The following GABRB2 variants were observed in gnomAD, a reference collection of about 807,000 sequenced individuals.
The protein encoded by GABRB2 is gamma-aminobutyric acid receptor subunit beta-2.
A neutral mutation model predicts 54.7 loss-of-function variants in GABRB2; 16 were observed. That is an observed-to-expected ratio of 0.29 (90% CI 0.20 to 0.44). The LOEUF is 0.44. GABRB2 is among the 20% of genes least tolerant of loss of function. The pLI, the probability that GABRB2 is intolerant of heterozygous loss-of-function variation, is 1.00. For synonymous variants in GABRB2, 244 were observed against 233.8 expected, an observed-to-expected ratio of 1.04 and a Z score of -0.40; for missense variants, 355 against 644.0, an observed-to-expected ratio of 0.55 and a Z score of 4.86.
chr5:161,472,662 G>A (rs1281441510), intron 3 of GABRB2, among the ~76,000 whole-genome samples: 1 of 151,844 alleles, frequency 6.6e-6, no homozygotes, highest in African/African-American at 2.4e-5. Flanking sequence ...AATTATTAAA[G>A]CATCCCTAGT....
chr5:161,424,966 T>G (rs1444449063), intron 4 of GABRB2, among the ~76,000 whole-genome samples: 1 of 152,112 alleles, frequency 6.6e-6, no homozygotes, highest in African/African-American at 2.4e-5. Context: ...TGACTACAGT[T>G]GAGGAAGTCA....
At chr5:161,532,165 A>G (rs929210795) in intron 3 of GABRB2, among the ~76,000 whole-genome samples, 1 of 152,100 alleles carries the variant, frequency 6.6e-6, no homozygotes, top group Non-Finnish European at 1.5e-5. Flanking sequence ...TTTTGTTTCA[A>G]TCATCACAAA....
chr5:161,533,299 A>C (rs1267629812), intron 3 of GABRB2, among the ~76,000 whole-genome samples: 1 of 152,192 alleles, frequency 6.6e-6, no homozygotes, highest in African/African-American at 2.4e-5. Flanking sequence ...TTTTCAAATA[A>C]AATGCACAAA....
chr5:161,359,591 T>A (rs1039232846), intron 5 of GABRB2, among the ~76,000 whole-genome samples: 3 of 152,156 alleles, frequency 2.0e-5, no homozygotes, highest in African/African-American at 7.2e-5. Context: ...ACAAGAAGAC[T>A]ATTTTTAAAA....
At chr5:161,480,454 A>C in intron 3 of GABRB2, among the ~76,000 whole-genome samples, 1 of 152,028 alleles carries the variant, frequency 6.6e-6, no homozygotes, top group East Asian at 1.9e-4. Flanking sequence ...GGCTGCCAAC[A>C]AGGGGAGTCC....
intron 5 of GABRB2, among the ~76,000 whole-genome samples, chr5:161,402,973 A>G (rs1396728173): frequency 6.6e-6 from 1 of 152,114 alleles, no homozygotes; most frequent in African/African-American, 2.4e-5. Flanking sequence ...ATCCCCAGCG[A>G]TTTTATAATA....
intron 5 of GABRB2, among the ~76,000 whole-genome samples, chr5:161,387,152 T>C (rs1397312256): frequency 1.3e-5 from 2 of 152,160 alleles, no homozygotes; most frequent in Admixed American, 6.6e-5. Flanking sequence ...ATAATGTCTA[T>C]TTTCTAATCC....
rs568834302 is a variant in GABRB2 at position 161,371,218 on chromosome 5, C to T, written c.542-34449G>A. 1.5e-3 allele frequency among the ~76,000 whole-genome samples: 227 copies of T among 152,202 alleles called. 1 individual carries two copies. Among genetic ancestry groups the T allele is most frequent in the African/African-American group, 5.3e-3 (222 of 41,522 alleles). On this transcript the variant is annotated intron_variant, in intron 5 of 9. Coordinates refer to ENST00000393959, the MANE Select transcript of GABRB2 (RefSeq NM_001371727.1). ...TTCTGACCCATGATCTGGGCAGAAA[C>T]TCTCTTGAAAATATACTTTTAGAAA...
At chr5:161,355,832 TTTA>T (rs138865643) in intron 5 of GABRB2, among the ~76,000 whole-genome samples, 4,105 of 152,222 alleles carry the variant, frequency 0.027, 69 homozygotes, top group Non-Finnish European at 0.034. Context: ...TGTTTGAAGG[TTTA>T]TTTAGTATCC....
chr5:161,461,874 A>G (rs1758127040), intron 3 of GABRB2, among the ~76,000 whole-genome samples: 1 of 152,164 alleles, frequency 6.6e-6, no homozygotes, highest in Admixed American at 6.5e-5. Context: ...AAATCTGCAT[A>G]ATTTTGTGTA....
chr5:161,453,209 C>T (rs1757843823), intron 4 of GABRB2, among the ~76,000 whole-genome samples: 1 of 152,110 alleles, frequency 6.6e-6, no homozygotes, highest in Non-Finnish European at 1.5e-5. Context: ...AACATTCTTC[C>T]CCATATCTAG....
At chr5:161,326,310 T>A in intron 9 of GABRB2, 58 bp downstream of exon 9, 1 of 1,604,384 alleles carries the variant, frequency 6.2e-7, no homozygotes, top group African/African-American at 1.3e-5. Context: ...AGGGAACAGC[T>A]AAACAAATTG....
At chr5:161,510,448 T>C (rs1759734733) in intron 3 of GABRB2, among the ~76,000 whole-genome samples, 1 of 151,984 alleles carries the variant, frequency 6.6e-6, no homozygotes, top group Admixed American at 6.6e-5. Context: ...TCTTTTTTTA[T>C]GGCCAAATAG....
chr5:161,322,028 G>A lies in GABRB2; in HGVS notation c.1191+4340C>T, dbSNP rs74871356. On this transcript the variant is annotated intron_variant, in intron 9 of 9. Coordinates refer to ENST00000393959, the MANE Select transcript of GABRB2 (RefSeq NM_001371727.1). ...GTACAAATACAGAATGTACATCATAGCAGTTAAATATGTAGCTTCTGTAGT... is the reference window on the plus strand; with the variant it reads ...GTACAAATACAGAATGTACATCATAACAGTTAAATATGTAGCTTCTGTAGT... Among the ~76,000 whole-genome samples the A allele has an allele frequency of 2.6e-5, 4 of 152,114 alleles. No individual in the cohort carries two copies. The East Asian group carries it at 7.7e-4, about 29-fold the overall frequency.
rs146200928 is a variant in GABRB2 at position 161,541,859 on chromosome 5, T to C, written c.237+3368A>G. 3.3e-5 allele frequency among the ~76,000 whole-genome samples: 5 copies of C among 152,376 alleles called. No homozygotes were observed. In the East Asian group the frequency reaches 7.7e-4, roughly 23 times the overall value. ...ACTTTCAATTTCCTTCATTGACTCC[T>C]CCTTTGCATTCAAAACTTGGCTGCT... is the stretch of plus-strand genomic sequence containing the variant. On this transcript the variant is annotated intron_variant, in intron 3 of 9. Coordinates refer to ENST00000393959, the MANE Select transcript of GABRB2 (RefSeq NM_001371727.1).
intron 3 of GABRB2, among the ~76,000 whole-genome samples, chr5:161,506,869 G>A (rs1019380089): frequency 2.0e-5 from 3 of 152,000 alleles, no homozygotes; most frequent in African/African-American, 4.8e-5. Flanking sequence ...AATAATGTTG[G>A]AAAATCAGTT....
At chr5:161,460,069 C>T (rs1397031486) in intron 3 of GABRB2, among the ~76,000 whole-genome samples, 3 of 152,192 alleles carry the variant, frequency 2.0e-5, no homozygotes, top group African/African-American at 7.2e-5. Flanking sequence ...CTCAGCCTTC[C>T]AAGTAGCTGA....
intron 3 of GABRB2, among the ~76,000 whole-genome samples, chr5:161,491,148 C>T (rs552940929): frequency 7.3e-4 from 111 of 151,576 alleles, no homozygotes; most frequent in Non-Finnish European, 6.5e-4. Context: ...TTGTAATTCA[C>T]AAAAAGGTCA....
chr5:161,508,674 G>A (rs756892372), intron 3 of GABRB2, among the ~76,000 whole-genome samples: 1 of 152,036 alleles, frequency 6.6e-6, no homozygotes. Flanking sequence ...GACTGAGTCT[G>A]TGGTTTCCAT....
Sources: allele counts gnomAD v4.1 joint callset (sites outside exome capture counted in the v4.1 genomes callset), GRCh38; gene constraint gnomAD v4.1.1; transcripts MANE v1.5; gene names NCBI Gene and HGNC (gene_info 2026-07-23, HGNC 2026-07-21).